The following VWDE variants were observed in gnomAD, a reference collection of about 807,000 sequenced individuals.
The protein encoded by VWDE is von Willebrand factor D and EGF domain-containing protein.
In VWDE, 207 loss-of-function variants were observed where a neutral mutation model predicts 178.4. That is an observed-to-expected ratio of 1.16 (90% CI 1.04 to 1.30). VWDE has a LOEUF of 1.30. Ranked by LOEUF, VWDE falls within the 50% of genes most tolerant of loss-of-function variation. The pLI is 0.00. For missense variants in VWDE, 2,287 were observed against 1,901.3 expected, an observed-to-expected ratio of 1.20 and a Z score of -3.77; for synonymous variants, 738 against 651.4, an observed-to-expected ratio of 1.13 and a Z score of -2.02.
intron 1 of VWDE, 100 bp downstream of exon 1, chr7:12,403,559 C>T: frequency 8.4e-7 from 1 of 1,191,184 alleles, no homozygotes; most frequent in Non-Finnish European, 1.1e-6. Flanking sequence ...TTAAAACGCA[C>T]AGGGACGCTC....
At chr7:12,332,785 A>G (rs1246451555) in intron 28 of VWDE, among the ~76,000 whole-genome samples, 1 of 152,172 alleles carries the variant, frequency 6.6e-6, no homozygotes, top group Non-Finnish European at 1.5e-5. Context: ...TCCAAGCCAA[A>G]TTGATCCATA....
chr7:12,387,497 C>G (rs978228103), intron 3 of VWDE, among the ~76,000 whole-genome samples: 2 of 151,274 alleles, frequency 1.3e-5, no homozygotes, highest in African/African-American at 4.9e-5. Context: ...CTATGACGAG[C>G]AAAATAATTT....
rs1039932752 is a variant in VWDE, at chr7:12,375,092, C to G, written c.1160G>C (p.Gly387Ala). The G allele has an allele frequency of 6.4e-7, 1 of 1,551,232 alleles. No homozygotes were observed. Among genetic ancestry groups the G allele is most frequent in the Non-Finnish European group, 8.7e-7 (1 of 1,146,692 alleles). ...YTAVTDFSRDGDRVSNIVVQP... is the reference protein window; with the variant it reads ...YTAVTDFSRDADRVSNIVVQP... ...CACTACAATGTTTGAGACTCTATCT[C>G]CATCTCGAGAAAAATCTGTGACAGC... Residue 387 changes from glycine (G) to alanine (A), a missense_variant, in exon 8 of 29, where the codon GGA (glycine) becomes GCA (alanine). Transcript: ENST00000275358.
chr7:12,340,047 C>A (rs993329167), intron 24 of VWDE, among the ~76,000 whole-genome samples: 5 of 152,148 alleles, frequency 3.3e-5, no homozygotes, highest in African/African-American at 1.2e-4. Context: ...TACAAGAGAA[C>A]TTTGCTTATC....
intron 10 of VWDE, among the ~76,000 whole-genome samples, chr7:12,371,622 G>A (rs1415223480): frequency 6.6e-6 from 1 of 151,964 alleles, no homozygotes. Flanking sequence ...AAAATGGTCT[G>A]TGTTAGTTAC....
At chr7:12,342,936 G>A (rs961336609) in intron 22 of VWDE, 147 bp downstream of exon 22, 1 of 389,578 alleles carries the variant, frequency 2.6e-6, no homozygotes, top group Admixed American at 4.2e-5. Context: ...TGCGGTGTTT[G>A]GTTTTTTGTC....
chr7:12,402,155 T>C (rs1371951905), intron 1 of VWDE, among the ~76,000 whole-genome samples: 1 of 152,208 alleles, frequency 6.6e-6, no homozygotes, highest in Non-Finnish European at 1.5e-5. Context: ...GGGAGGGTGA[T>C]AGCCGGCATG....
At chr7:12,393,880 A>G (rs1784508597) in intron 1 of VWDE, 102 bp from the exon 2 acceptor site, 1 of 1,022,248 alleles carries the variant, frequency 9.8e-7, no homozygotes, top group Non-Finnish European at 1.4e-6. Flanking sequence ...TAAAGCAAAT[A>G]AACTCACTAT....
chr7:12,341,147 T>G (rs538305132), intron 23 of VWDE, among the ~76,000 whole-genome samples: 2,835 of 152,288 alleles, frequency 0.019, 83 homozygotes, highest in African/African-American at 0.064. Flanking sequence ...ATTTTATAAT[T>G]TTATAATTCT....
chr7:12,331,247 T>C lies in VWDE; in HGVS notation c.4759-50A>G, dbSNP rs965318248. ...GTTTCAATGAATAGTATAAAATCATTTAACCCTTACTCATTATTTGTTGCC... is the reference window on the plus strand; with the variant it reads ...GTTTCAATGAATAGTATAAAATCATCTAACCCTTACTCATTATTTGTTGCC... On this transcript the variant is annotated intron_variant, in intron 28 of 28. Transcript: ENST00000275358. 1.3e-5 allele frequency: 19 copies of C among 1,488,550 alleles called. No homozygotes were observed. In the African/African-American group the frequency reaches 2.7e-4, roughly 21 times the overall value. 92.2% of individuals were successfully genotyped at this position (1,488,550 alleles called of 1,614,324 possible).
In VWDE at chr7:12,403,830, G is replaced by GCAGCAACAGA; in HGVS notation, c.-115_-114insTCTGTTGCTG. Reference sequence around the variant, plus strand: ...CTTTCTTGGATTTTCTCAGTCTGTTGCTGCTTGGAACAGGGAAGCTCCGCG... The same window carrying GCAGCAACAGA: ...CTTTCTTGGATTTTCTCAGTCTGTTGCAGCAACAGACTGCTTGGAACAGGGAAGCTCCGCG... On this transcript the variant is annotated 5_prime_UTR_variant, in exon 1 of 29. Coordinates refer to ENST00000275358, the MANE Select transcript of VWDE (RefSeq NM_001135924.3). 1.7e-6 allele frequency: 2 copies of GCAGCAACAGA among 1,174,600 alleles called. No individual in the cohort carries two copies. Among genetic ancestry groups the GCAGCAACAGA allele is most frequent in the Non-Finnish European group, 2.4e-6 (2 of 820,934 alleles). The allele number at this position is 1,174,600 out of a possible 1,614,324, so 72.8% of individuals were successfully genotyped here. A position where few individuals can be genotyped will look rare whatever the true frequency, so the allele number is the denominator to read the frequency against.
intron 28 of VWDE, among the ~76,000 whole-genome samples, chr7:12,331,844 A>G (rs938109848): frequency 1.6e-4 from 24 of 152,234 alleles, no homozygotes; most frequent in Admixed American, 1.6e-3. Context: ...AAAGCCTTTT[A>G]TCAACCCACC....
chr7:12,380,323 T>C (rs1365612770), intron 5 of VWDE, among the ~76,000 whole-genome samples, 163 bp downstream of exon 5: 1 of 151,202 alleles, frequency 6.6e-6, no homozygotes, highest in Non-Finnish European at 1.5e-5. Context: ...CTCCTCCAGT[T>C]ATCACGAGAA....
rs182091741 is a variant in VWDE at position 12,374,689 on chromosome 7, C to G, written c.1316G>C (p.Arg439Thr). Residue 439 changes from arginine (R) to threonine (T), a missense_variant and splice_region_variant, in exon 9 of 29, where the codon AGG becomes ACG. Coordinates refer to ENST00000275358, the MANE Select transcript of VWDE (RefSeq NM_001135924.3). ...TDPHIITFDG[R>T]VYDNFKTGTF... ...AAAGAAGAAACTTTCAGAAAATTAC[C>G]TGCCATCAAATGTAATTATATGTGG... The G allele has an allele frequency of 2.8e-5, 42 of 1,525,704 alleles. 1 individual carries two copies. In the South Asian group the frequency reaches 5.2e-4, roughly 19 times the overall value. The allele number at this position is 1,525,704 out of a possible 1,614,324, so 94.5% of individuals were successfully genotyped here.
chr7:12,334,230 A>C (rs2128543685), intron 27 of VWDE, among the ~76,000 whole-genome samples: 1 of 152,328 alleles, frequency 6.6e-6, no homozygotes, highest in Middle Eastern at 3.4e-3. Flanking sequence ...GGGGAAGTAA[A>C]GGGAATTTTT....
At chr7:12,398,870 C>A (rs1000440032) in intron 1 of VWDE, among the ~76,000 whole-genome samples, 4 of 151,952 alleles carry the variant, frequency 2.6e-5, no homozygotes, top group South Asian at 2.1e-4. Context: ...AAGATGGGAA[C>A]AATAGACACT....
Position 12,389,337 on chromosome 7 carries a change from C to A in VWDE, c.265G>T (p.Ala89Ser). 1.3e-6 allele frequency: 2 copies of A among 1,547,650 alleles called. No individual in the cohort carries two copies. Among genetic ancestry groups the A allele is most frequent in the Non-Finnish European group, 8.7e-7 (1 of 1,143,686 alleles). The change falls in exon 3 of 29, where the codon GCC becomes TCC. Residue 89 changes from alanine to serine, a missense_variant. Coordinates refer to ENST00000275358, the MANE Select transcript of VWDE (RefSeq NM_001135924.3). ...CVEMNHCGTQ[A>S]PIWLSLRDSE... is the part of the protein sequence containing the mutation. ...TCTCTCAGAGACAGCCAGATGGGGG[C>A]CTGAGTTCCACAATGGTTCATCTTT...
chr7:12,360,523 A>T (rs181546262), intron 15 of VWDE, among the ~76,000 whole-genome samples: 2 of 152,336 alleles, frequency 1.3e-5, no homozygotes, highest in Admixed American at 1.3e-4. Flanking sequence ...ATACTTTAAA[A>T]TTTTCATGTA....
intron 18 of VWDE, among the ~76,000 whole-genome samples, chr7:12,354,767 G>A (rs1782134053): frequency 6.6e-6 from 1 of 152,008 alleles, no homozygotes; most frequent in East Asian, 1.9e-4. Context: ...TAATAGTTAA[G>A]GCAAAAAGCT....
Sources: gnomAD v4.1 joint callset for allele counts (sites outside exome capture counted in the v4.1 genomes callset) on GRCh38, gnomAD v4.1.1 for gene constraint, MANE v1.5 for transcripts, NCBI Gene and HGNC (gene_info 2026-07-23, HGNC 2026-07-21) for gene names.